AKAP19: variants seen among roughly 807,000 people sequenced by gnomAD.
AKAP19 encodes A-kinase anchoring protein 19.
At chr2:190,135,765 T>A in the AKAP19 span, among the ~76,000 whole-genome samples, 1 of 152,234 alleles carries the variant, frequency 6.6e-6, no homozygotes, top group African/African-American at 2.4e-5. Context: ...GTATGTAGAT[T>A]AGTGCTTGGC....
the AKAP19 span, among the ~76,000 whole-genome samples, chr2:189,920,699 C>CT: frequency 6.6e-6 from 1 of 152,126 alleles, no homozygotes; most frequent in Non-Finnish European, 1.5e-5. Flanking sequence ...TGTCTGAAAC[C>CT]TTTTTTGTTC....
the AKAP19 span, among the ~76,000 whole-genome samples, chr2:190,033,701 C>T: frequency 9.9e-5 from 15 of 152,224 alleles, no homozygotes; most frequent in East Asian, 1.9e-3. Context: ...CTGGACATTC[C>T]CCAAACATTA....
the AKAP19 span, among the ~76,000 whole-genome samples, chr2:189,937,464 G>T: frequency 6.6e-6 from 1 of 151,930 alleles, no homozygotes; most frequent in Non-Finnish European, 1.5e-5. Flanking sequence ...AGAGAGCACC[G>T]AGATCATCAC....
At chr2:189,947,434 A>C in the AKAP19 span, among the ~76,000 whole-genome samples, 1 of 152,146 alleles carries the variant, frequency 6.6e-6, no homozygotes, top group Admixed American at 6.5e-5. Context: ...CTAGTGCTTA[A>C]ATTATTTCCA....
the AKAP19 span, among the ~76,000 whole-genome samples, chr2:189,990,485 G>A: frequency 6.6e-6 from 1 of 152,008 alleles, no homozygotes; most frequent in East Asian, 1.9e-4. Flanking sequence ...ATCCCCCTTG[G>A]TCAGAGTGTA....
At chr2:190,038,952 C>CTTCTTCTTCTTCTTCT in the AKAP19 span, among the ~76,000 whole-genome samples, 1 of 145,718 alleles carries the variant, frequency 6.9e-6, no homozygotes, top group African/African-American at 2.6e-5. Context: ...TCTTCTTCTT[C>CTTCTTCTTCTTCTTCT]TTCTTCTTCT....
chr2:190,107,228 G>A, the AKAP19 span, among the ~76,000 whole-genome samples: 1 of 152,170 alleles, frequency 6.6e-6, no homozygotes, highest in Non-Finnish European at 1.5e-5. Context: ...CATTTACTAG[G>A]TGTGTGACTT....
the AKAP19 span, among the ~76,000 whole-genome samples, chr2:190,049,517 C>T: frequency 2.0e-5 from 3 of 152,170 alleles, no homozygotes; most frequent in African/African-American, 7.2e-5. Flanking sequence ...GGAAATTTTT[C>T]ACGAACCCAC....
At chr2:189,939,639 GTT>G in the AKAP19 span, among the ~76,000 whole-genome samples, 2 of 152,042 alleles carry the variant, frequency 1.3e-5, no homozygotes, top group African/African-American at 4.8e-5. Flanking sequence ...TCAAAATACA[GTT>G]TTAAAAAAAC....
chr2:190,144,217 T>TA, the AKAP19 span, among the ~76,000 whole-genome samples: 5 of 134,948 alleles, frequency 3.7e-5, no homozygotes, highest in South Asian at 2.5e-4. Flanking sequence ...TATAACTTAA[T>TA]AAAAAAACAA....
At chr2:190,163,810 A>G in the AKAP19 span, 3 of 152,356 alleles carry the variant, frequency 2.0e-5, no homozygotes, top group South Asian at 6.2e-4. Flanking sequence ...CATTTTCCAG[A>G]AAGAATATGC....
chr2:189,907,445 T>C, the AKAP19 span, among the ~76,000 whole-genome samples: 1 of 152,130 alleles, frequency 6.6e-6, no homozygotes. Flanking sequence ...GAATATCATC[T>C]TATCAGAAAA....
chr2:189,948,440 C>T, the AKAP19 span, among the ~76,000 whole-genome samples: 1 of 152,002 alleles, frequency 6.6e-6, no homozygotes, highest in Non-Finnish European at 1.5e-5. Flanking sequence ...CGTGTACCTC[C>T]CTGAAAAACT....
the AKAP19 span, among the ~76,000 whole-genome samples, chr2:190,021,033 A>G: frequency 7.9e-5 from 12 of 152,170 alleles, no homozygotes; most frequent in Admixed American, 6.6e-4. Context: ...TCATCCATCA[A>G]TGAACACTTG....
chr2:189,974,765 G>C, the AKAP19 span, among the ~76,000 whole-genome samples: 615 of 152,206 alleles, frequency 4.0e-3, 8 homozygotes, highest in African/African-American at 0.014. Context: ...GATCTTTGTT[G>C]GTTTAAAGTC....
At chr2:189,970,027 C>T in the AKAP19 span, among the ~76,000 whole-genome samples, 99 of 151,826 alleles carry the variant, frequency 6.5e-4, no homozygotes, top group Middle Eastern at 3.4e-3. Context: ...TGTGCATACA[C>T]GGCTAATTTT....
At chr2:190,090,770 A>ACGAGGGTGGTAAGGATGGGGGG in the AKAP19 span, 1 of 152,146 alleles carries the variant, frequency 6.6e-6, no homozygotes, top group Non-Finnish European at 1.5e-5. Flanking sequence ...CAGGTCCCTC[A>ACGAGGGTGGTAAGGATGGGGGG]AATGGTTTCT....
the AKAP19 span, among the ~76,000 whole-genome samples, chr2:189,883,304 A>G: frequency 6.6e-6 from 1 of 152,120 alleles, no homozygotes; most frequent in Non-Finnish European, 1.5e-5. Context: ...CCTAACAGTC[A>G]ATCTCAAGTC....
At chr2:190,093,441 A>G in the AKAP19 span, among the ~76,000 whole-genome samples, 1 of 152,044 alleles carries the variant, frequency 6.6e-6, no homozygotes, top group Admixed American at 6.6e-5. Context: ...TCAAAAAAAA[A>G]AGAAAACAAG....
Sources: allele counts gnomAD v4.1 joint callset (sites outside exome capture counted in the v4.1 genomes callset), GRCh38; gene constraint gnomAD v4.1.1; transcripts MANE v1.5; gene names NCBI Gene and HGNC (gene_info 2026-07-23, HGNC 2026-07-21).